ZNF423: variants seen among roughly 807,000 people sequenced by gnomAD.
ZNF423 encodes the protein zinc finger protein 423.
In ZNF423, 12 loss-of-function variants were observed where a neutral mutation model predicts 95.8. The ratio of observed to expected loss-of-function variants is 0.13; its 90% confidence interval spans 0.08 to 0.20. The LOEUF is 0.20. ZNF423 is among the 10% of genes least tolerant of loss of function. The pLI, the probability that ZNF423 is intolerant of heterozygous loss-of-function variation, is 1.00. For synonymous variants in ZNF423, 749 were observed against 711.9 expected (o/e 1.05, Z -0.83); for missense variants, 1,316 against 1,737.1 (o/e 0.76, Z 4.31).
intron 2 of ZNF423, among the ~76,000 whole-genome samples, chr16:49,737,390 C>T (rs1355165896): frequency 6.6e-6 from 1 of 152,142 alleles, no homozygotes; most frequent in Non-Finnish European, 1.5e-5. Context: ...CTGCCTCAGC[C>T]TCCTGAGTAG....
intron 3 of ZNF423, among the ~76,000 whole-genome samples, chr16:49,642,013 C>T (rs746530488): frequency 7.9e-5 from 12 of 152,264 alleles, no homozygotes; most frequent in Non-Finnish European, 2.9e-5. Context: ...AATTATACTT[C>T]AATAAAGTTG....
intron 2 of ZNF423, among the ~76,000 whole-genome samples, chr16:49,783,375 G>C (rs1287144147): frequency 6.7e-6 from 1 of 149,172 alleles, no homozygotes; most frequent in East Asian, 2.0e-4. Context: ...TAGCAGGCTG[G>C]GATGGGCGGG....
chr16:49,834,930 G>A (rs755082490), intron 1 of ZNF423, among the ~76,000 whole-genome samples: 1 of 152,052 alleles, frequency 6.6e-6, no homozygotes, highest in East Asian at 1.9e-4. Flanking sequence ...AGGCACCCAG[G>A]GGGAGGGGAC....
At chr16:49,764,364 A>C (rs1385709495) in intron 2 of ZNF423, 1 of 153,558 alleles carries the variant, frequency 6.5e-6, no homozygotes, top group African/African-American at 2.4e-5. Context: ...GGCTAGACAC[A>C]CAATGGACTA....
At chr16:49,562,797 T>G (rs988829003) in intron 5 of ZNF423, among the ~76,000 whole-genome samples, 1 of 152,162 alleles carries the variant, frequency 6.6e-6, no homozygotes, top group African/African-American at 2.4e-5. Flanking sequence ...TTTTTTTTTT[T>G]GAGATGGAGT....
At position 49,637,202 on chromosome 16, in the gene ZNF423, G is replaced by A. The variant is rs760699954; in HGVS notation, c.1974C>T (p.His658=). The A allele has an allele frequency of 1.2e-5, 19 of 1,613,876 alleles. No homozygotes were observed. Among genetic ancestry groups the A allele is most frequent in the Non-Finnish European group, 1.6e-5 (19 of 1,180,042 alleles). ...GCAGCAGCTCCAGGTGCAGCTTCAGGTGGGTCTGGAAGCTCTCAAAGTTGG... is the reference window on the plus strand; with the variant it reads ...GCAGCAGCTCCAGGTGCAGCTTCAGATGGGTCTGGAAGCTCTCAAAGTTGG... ...KFSNFESFQT[H]LKLHLELLLR... The change falls in exon 4 of 8, where the codon CAC becomes CAT. Residue 658 remains histidine (H), a synonymous_variant. Coordinates refer to ENST00000563137, the MANE Select transcript of ZNF423 (RefSeq NM_001379286.1). This position sits in a 1 kb window ranked among gnomAD's most constrained non-coding sequence, Gnocchi z 5.6.
chr16:49,777,879 T>C (rs1299579485), intron 2 of ZNF423, among the ~76,000 whole-genome samples: 1 of 152,230 alleles, frequency 6.6e-6, no homozygotes, highest in Non-Finnish European at 1.5e-5. Flanking sequence ...TATTTTTTAA[T>C]TGTTATTGTT....
At chr16:49,730,673 A>G (rs2033141631) in intron 3 of ZNF423, 98 bp downstream of exon 3, 2 of 1,275,824 alleles carry the variant, frequency 1.6e-6, no homozygotes, top group Non-Finnish European at 1.1e-6. Flanking sequence ...GTAAAATTAC[A>G]TTATTAATTC....
At chr16:49,834,014 G>A (rs971806540) in intron 1 of ZNF423, among the ~76,000 whole-genome samples, 2 of 152,234 alleles carry the variant, frequency 1.3e-5, no homozygotes, top group African/African-American at 4.8e-5. Context: ...CACAGGGCAG[G>A]CGGCAGGCTT....
chr16:49,803,100 A>T (rs535229272), intron 1 of ZNF423, among the ~76,000 whole-genome samples: 6 of 150,412 alleles, frequency 4.0e-5, no homozygotes, highest in African/African-American at 9.7e-5. Context: ...ACAGAAAAAT[A>T]AAAAAAAAAT....
At chr16:49,504,465 C>A (rs1436017952) in intron 7 of ZNF423, among the ~76,000 whole-genome samples, 1 of 152,114 alleles carries the variant, frequency 6.6e-6, no homozygotes, top group East Asian at 1.9e-4. Flanking sequence ...GTCTGTAATC[C>A]CAGCTACTCG....
intron 5 of ZNF423, among the ~76,000 whole-genome samples, chr16:49,529,007 G>T (rs1358870961): frequency 6.6e-6 from 1 of 151,684 alleles, no homozygotes; most frequent in Non-Finnish European, 1.5e-5. Context: ...CACAGTGCTC[G>T]GCCGACACCT....
chr16:49,626,355 G>T (rs1434037416), intron 4 of ZNF423, 101 bp from the exon 5 acceptor site: 1 of 1,056,476 alleles, frequency 9.5e-7, no homozygotes, highest in Non-Finnish European at 1.4e-6. Flanking sequence ...TTCCAGAATG[G>T]TTCCAGTCCC....
chr16:49,544,670 C>T (rs915323483), intron 5 of ZNF423, among the ~76,000 whole-genome samples: 1 of 152,202 alleles, frequency 6.6e-6, no homozygotes, highest in Non-Finnish European at 1.5e-5. Flanking sequence ...GCAGAGAGGG[C>T]GTTCCAGGGG....
intron 3 of ZNF423, among the ~76,000 whole-genome samples, chr16:49,661,515 G>C (rs556597107): frequency 6.6e-6 from 1 of 152,162 alleles, no homozygotes; most frequent in South Asian, 2.1e-4. Context: ...GGAGGAATTC[G>C]GGCCAGCCAA....
intron 2 of ZNF423, among the ~76,000 whole-genome samples, chr16:49,760,802 T>C (rs539375348): frequency 5.9e-5 from 9 of 151,644 alleles, no homozygotes; most frequent in African/African-American, 2.2e-4. Context: ...TAGGCGGTGG[T>C]TGGGGTCCCC....
intron 1 of ZNF423, among the ~76,000 whole-genome samples, chr16:49,840,070 G>A (rs1465418626): frequency 6.6e-6 from 1 of 152,192 alleles, no homozygotes. Flanking sequence ...GTAAACATGT[G>A]CGAGGAATGA....
intron 5 of ZNF423, among the ~76,000 whole-genome samples, chr16:49,583,909 C>A (rs1970745133): frequency 6.6e-6 from 1 of 152,174 alleles, no homozygotes; most frequent in African/African-American, 2.4e-5. Flanking sequence ...TGGACTGGAG[C>A]TAGGGGCAGG....
At chr16:49,541,876 C>T (rs1448436990) in intron 5 of ZNF423, among the ~76,000 whole-genome samples, 3 of 152,246 alleles carry the variant, frequency 2.0e-5, no homozygotes, top group African/African-American at 7.2e-5. Flanking sequence ...CTGTAAGTTT[C>T]CTGAGGCCTC....
Sources: gnomAD v4.1 joint callset for allele counts (sites outside exome capture counted in the v4.1 genomes callset) on GRCh38, gnomAD v4.1.1 for gene constraint, Gnocchi (gnomAD v3.1) non-coding constraint, MANE v1.5 for transcripts, NCBI Gene and HGNC (gene_info 2026-07-23, HGNC 2026-07-21) for gene names.